SLCO1B3: variants seen among roughly 807,000 people sequenced by gnomAD.
The protein encoded by SLCO1B3 is liver-specific organic anion transporter 2.
A neutral mutation model predicts 71.8 loss-of-function variants in SLCO1B3; 72 were observed. That is an observed-to-expected ratio of 1.00 (90% CI 0.83 to 1.22). The LOEUF is 1.22. SLCO1B3 is among the 50% of genes most tolerant of loss of function. SLCO1B3 has a pLI of 0.00. For synonymous variants in SLCO1B3, 298 were observed against 278.4 expected, an observed-to-expected ratio of 1.07 and a Z score of -0.70; for missense variants, 911 against 819.7, an observed-to-expected ratio of 1.11 and a Z score of -1.36.
At position 20,908,542 on chromosome 12, in the gene SLCO1B3, C is replaced by T. The variant is rs151252480; in HGVS notation, c.1865+7075C>T. On this transcript the variant is annotated intron_variant, in intron 15 of 15. Coordinates refer to ENST00000381545, the MANE Select transcript of SLCO1B3 (RefSeq NM_019844.4). ...TTCTGTGCTCTGCCTGTTCATTCAT[C>T]CTTTCCCAGTAATCCCTGGATCCCT... 4.5e-4 allele frequency among the ~76,000 whole-genome samples: 68 copies of T among 152,322 alleles called. 1 individual carries two copies. The highest frequency in any genetic ancestry group is 3.4e-3 in the Middle Eastern group (1 of 294).
Position 20,877,849 on chromosome 12 carries a change from A to T in SLCO1B3, c.1048A>T (p.Ser350Cys), listed in dbSNP as rs1431497297. The change falls in exon 10 of 16, where the codon AGC becomes TGC. Residue 350 changes from serine to cysteine, a missense_variant. Coordinates refer to ENST00000381545, the MANE Select transcript of SLCO1B3 (RefSeq NM_019844.4). ...IFLLLTLLQV[S>C]SFIGSFTYVF... Reference sequence around the variant, plus strand: ...TCTGCTTTTGACATTGTTACAAGTAAGCAGCTTTATTGGTTCTTTTACTTA... The same window carrying T: ...TCTGCTTTTGACATTGTTACAAGTATGCAGCTTTATTGGTTCTTTTACTTA... The T allele has an allele frequency of 3.8e-6, 6 of 1,587,110 alleles. No homozygotes were observed. Among genetic ancestry groups the T allele is most frequent in the Non-Finnish European group, 5.1e-6 (6 of 1,167,034 alleles).
chr12:20,863,463 T>C (rs963628973), intron 8 of SLCO1B3, among the ~76,000 whole-genome samples: 3 of 152,226 alleles, frequency 2.0e-5, no homozygotes, highest in Non-Finnish European at 4.4e-5. Flanking sequence ...AGAATCAATG[T>C]TGTAATATCT....
At position 20,878,074 on chromosome 12, in the gene SLCO1B3, T is replaced by C. The variant is rs567260610; in HGVS notation, c.1135+138T>C. 83 of 566,830 alleles carry C rather than the reference T, an allele frequency of 1.5e-4. No homozygotes were observed. The African/African-American group carries it at 1.5e-3, about 10-fold the overall frequency. 35.1% of individuals were successfully genotyped at this position (566,830 alleles called of 1,614,324 possible). ...ATTATGTCTCAAACTTTACAAAATTTCTCCATCTTGTAATATCATCGTTGT... is the reference window on the plus strand; with the variant it reads ...ATTATGTCTCAAACTTTACAAAATTCCTCCATCTTGTAATATCATCGTTGT... On this transcript the variant is annotated intron_variant, in intron 10 of 15. Coordinates refer to ENST00000381545, the MANE Select transcript of SLCO1B3 (RefSeq NM_019844.4).
At position 20,858,457 on chromosome 12, in the gene SLCO1B3, T is replaced by A; in HGVS notation, c.245T>A (p.Val82Glu). Residue 82 changes from valine (V) to glutamate (E), a missense_variant, in exon 5 of 16, where the codon GTA becomes GAA. Val to Glu is a moderately radical substitution (Grantham distance 121, BLOSUM62 -2). Coordinates refer to ENST00000381545, the MANE Select transcript of SLCO1B3 (RefSeq NM_019844.4). ...TTTCTAGGAAATTTGCTTGTGATTG[T>A]ATTTGTAAGTTACTTTGGATCTAAA... is the stretch of plus-strand genomic sequence containing the variant. Reference protein sequence around the residue: ...SFEIGNLLVIVFVSYFGSKLH... With the variant: ...SFEIGNLLVIEFVSYFGSKLH... 1 of 1,590,060 alleles carries A rather than the reference T, an allele frequency of 6.3e-7. No individual in the cohort carries two copies. The highest frequency in any genetic ancestry group is 8.6e-7 in the Non-Finnish European group (1 of 1,158,464).
At chr12:20,873,195 T>C (rs536763862) in intron 8 of SLCO1B3, among the ~76,000 whole-genome samples, 53 of 152,318 alleles carry the variant, frequency 3.5e-4, no homozygotes, top group Non-Finnish European at 7.2e-4. Flanking sequence ...ATTTTTGTGT[T>C]CTTTGTAGCA....
intron 13 of SLCO1B3, among the ~76,000 whole-genome samples, chr12:20,895,406 C>T (rs111688780): frequency 1.1e-3 from 168 of 152,280 alleles, no homozygotes; most frequent in African/African-American, 3.9e-3. Context: ...TGGGTAAATA[C>T]AGCCTTTCCA....
intron 3 of SLCO1B3, among the ~76,000 whole-genome samples, chr12:20,822,514 C>T (rs536869073): frequency 9.1e-4 from 138 of 152,112 alleles, no homozygotes; most frequent in Non-Finnish European, 1.5e-3. Flanking sequence ...CGGGGCAGGG[C>T]CTTTCACTTC....
At chr12:20,878,034 A>G in intron 10 of SLCO1B3, 98 bp downstream of exon 10, 1 of 791,424 alleles carries the variant, frequency 1.3e-6, no homozygotes, top group Non-Finnish European at 2.0e-6. Flanking sequence ...TTTATATTTT[A>G]CTAAATGTAA....
At position 20,849,814 on chromosome 12, in the gene SLCO1B3, A is replaced by G. The variant is rs374363968; in HGVS notation, c.85-5214A>G. On this transcript the variant is annotated intron_variant, in intron 3 of 15. Coordinates refer to ENST00000381545, the MANE Select transcript of SLCO1B3 (RefSeq NM_019844.4). ...AATTAAAGGAGTAAATCCATTTATC[A>G]TAGCATCTCAAAAATATATATAGGA... Among the ~76,000 whole-genome samples the G allele has an allele frequency of 3.1e-3, 472 of 152,100 alleles. 2 individuals are homozygous for G. Among genetic ancestry groups the G allele is most frequent in the South Asian group, 0.025 (121 of 4,824 alleles).
chr12:20,826,751 A>G (rs905193715), intron 3 of SLCO1B3, among the ~76,000 whole-genome samples: 1 of 151,924 alleles, frequency 6.6e-6, no homozygotes, highest in African/African-American at 2.4e-5. Flanking sequence ...TTCTTACCAA[A>G]AATACCTCTT....
Position 20,862,754 on chromosome 12 carries a change from A to G in SLCO1B3, c.629-2A>G. The G allele has an allele frequency of 6.2e-7, 1 of 1,600,904 alleles. No individual in the cohort carries two copies. Among genetic ancestry groups the G allele is most frequent in the Non-Finnish European group, 8.5e-7 (1 of 1,171,714 alleles). On this transcript the variant is annotated splice_acceptor_variant, in intron 7 of 15. Coordinates refer to ENST00000381545, the MANE Select transcript of SLCO1B3 (RefSeq NM_019844.4). LOFTEE classifies it high-confidence loss of function. ...GATTAAATTGTTTTGTAATACTTAC[A>G]GGTAGTTTGAATGCAATAGGAATGA... is the stretch of plus-strand genomic sequence containing the variant.
At position 20,862,309 on chromosome 12, in the gene SLCO1B3, C is replaced by G. The variant is rs2017737; in HGVS notation, c.482-103C>G. On this transcript the variant is annotated intron_variant, in intron 6 of 15. Transcript: ENST00000381545. ...ATATGAATCACTTGTAATTAGGAAA[C>G]AAACAAACAAAAAATGGAAAAATGA... 1,092,540 of 1,320,080 alleles carry G rather than the reference C, an allele frequency of 0.83. 458,668 individuals carry two copies. Among genetic ancestry groups the G allele is most frequent in the South Asian group, 0.91 (63,033 of 69,482 alleles). 81.8% of individuals were successfully genotyped at this position (1,320,080 alleles called of 1,614,324 possible).
chr12:20,862,741 T>C lies in SLCO1B3; in HGVS notation c.629-15T>C. ...ATTTGTGACATCTGATTAAATTGTT[T>C]TGTAATACTTACAGGTAGTTTGAAT... On this transcript the variant is annotated splice_polypyrimidine_tract_variant and intron_variant, in intron 7 of 15. Transcript: ENST00000381545. The C allele has an allele frequency of 3.2e-6, 5 of 1,581,930 alleles. No homozygotes were observed. The highest frequency in any genetic ancestry group is 4.3e-6 in the Non-Finnish European group (5 of 1,156,020).
At chr12:20,914,773 C>T (rs935992808) in intron 15 of SLCO1B3, among the ~76,000 whole-genome samples, 2 of 152,088 alleles carry the variant, frequency 1.3e-5, no homozygotes, top group Non-Finnish European at 2.9e-5. Context: ...AAGATAATTT[C>T]ATATGGTACA....
At chr12:20,823,065 C>T (rs1346809163) in intron 3 of SLCO1B3, among the ~76,000 whole-genome samples, 1 of 151,824 alleles carries the variant, frequency 6.6e-6, no homozygotes, top group Non-Finnish European at 1.5e-5. Context: ...ATCTTATGTC[C>T]TGCAAAGAAA....
At chr12:20,897,428 T>C (rs1443851483) in intron 13 of SLCO1B3, among the ~76,000 whole-genome samples, 4 of 152,142 alleles carry the variant, frequency 2.6e-5, no homozygotes, top group East Asian at 1.9e-4. Flanking sequence ...TGGATTCTTA[T>C]AACATATGAG....
intron 3 of SLCO1B3, among the ~76,000 whole-genome samples, chr12:20,844,029 T>C (rs1227338908): frequency 6.6e-6 from 1 of 152,020 alleles, no homozygotes; most frequent in South Asian, 2.1e-4. Context: ...AATTTTCTCC[T>C]CTTCAACTTA....
intron 6 of SLCO1B3, 66 bp downstream of exon 6, chr12:20,861,204 T>A (rs1326997600): frequency 2.1e-6 from 3 of 1,407,602 alleles, no homozygotes; most frequent in Non-Finnish European, 1.9e-6. Flanking sequence ...CTATAAAGTT[T>A]CTGATATTCT....
At chr12:20,874,909 C>A (rs1454151242) in intron 8 of SLCO1B3, among the ~76,000 whole-genome samples, 2 of 152,042 alleles carry the variant, frequency 1.3e-5, no homozygotes, top group African/African-American at 4.8e-5. Flanking sequence ...CTTCCATGAA[C>A]AGTTATTAAA....
Sources: gnomAD v4.1 joint callset for allele counts (sites outside exome capture counted in the v4.1 genomes callset) on GRCh38, gnomAD v4.1.1 for gene constraint, MANE v1.5 for transcripts, NCBI Gene and HGNC (gene_info 2026-07-23, HGNC 2026-07-21) for gene names.